The following ROBO2 variants were observed in gnomAD, a reference collection of about 807,000 sequenced individuals.
ROBO2 encodes the protein roundabout homolog 2.
Under a neutral mutation model 160.8 loss-of-function variants are expected in ROBO2, and 53 were observed. That is an observed-to-expected ratio of 0.33 (90% CI 0.26 to 0.41). ROBO2 has a LOEUF of 0.41. Among genes scored for constraint, ROBO2 ranks in the 10% least tolerant of loss-of-function variants. The pLI is 1.00. For missense variants in ROBO2, 1,577 were observed against 1,722.4 expected (o/e 0.92, Z 1.49); for synonymous variants, 664 against 611.7 (o/e 1.09, Z -1.26).
At position 76,101,923 on chromosome 3, in the gene ROBO2, A is replaced by G. The variant is rs561172577; in HGVS notation, c.109+164321A>G. Among the ~76,000 whole-genome samples the G allele has an allele frequency of 7.4e-3, 700 of 94,366 alleles. 8 individuals carry two copies. The highest frequency in any genetic ancestry group is 0.027 in the African/African-American group (615 of 23,142). The allele number at this position is 94,366 out of a possible 152,430, so 61.9% of individuals were successfully genotyped here. A position where few individuals can be genotyped will look rare whatever the true frequency, so the allele number is the denominator to read the frequency against. ...TGTCCAAGTGTTCCCATTGTACCCC[A>G]GGGTGTGATGTTCCCCTTCCTGTGT... On this transcript the variant is annotated intron_variant, in intron 2 of 26. Coordinates refer to the ROBO2 transcript ENST00000487694.
chr3:76,698,815 G>A (rs1366550747), intron 2 of ROBO2, among the ~76,000 whole-genome samples: 2 of 151,916 alleles, frequency 1.3e-5, no homozygotes. Context: ...AATACTATGG[G>A]GTAGGGAGAG....
intron 2 of ROBO2, among the ~76,000 whole-genome samples, chr3:77,265,031 G>A (rs1259115086): frequency 6.6e-6 from 1 of 151,976 alleles, no homozygotes; most frequent in East Asian, 1.9e-4. Context: ...CACTAAATTT[G>A]GTCACATGAT....
chr3:75,950,347 T>C (rs1249870013), intron 2 of ROBO2, among the ~76,000 whole-genome samples: 1 of 152,132 alleles, frequency 6.6e-6, no homozygotes, highest in Non-Finnish European at 1.5e-5. Context: ...CATGAGATCA[T>C]ATGTTCACCT....
chr3:76,075,548 A>G (rs2068621266), intron 2 of ROBO2, among the ~76,000 whole-genome samples: 1 of 151,946 alleles, frequency 6.6e-6, no homozygotes, highest in Non-Finnish European at 1.5e-5. Flanking sequence ...TTGCAAAACT[A>G]ATTTAAAATT....
chr3:76,305,904 G>A (rs1282631878), intron 2 of ROBO2, among the ~76,000 whole-genome samples: 1 of 151,930 alleles, frequency 6.6e-6, no homozygotes, highest in Admixed American at 6.6e-5. Flanking sequence ...ATTGCTCAGA[G>A]TTTCTCAGCT....
rs568228059 is a variant in ROBO2, at chr3:75,993,944, A to G, written c.109+56342A>G. ...CGTGTATGCTGTTTTGTTTATCAAT[A>G]CTATTTACTTTATTTACAGGTTGCT... On this transcript the variant is annotated intron_variant, in intron 2 of 26. Transcript: ENST00000487694. 7.9e-5 allele frequency among the ~76,000 whole-genome samples: 12 copies of G among 152,232 alleles called. No individual in the cohort carries two copies. The South Asian group carries it at 2.1e-3, about 26-fold the overall frequency.
intron 2 of ROBO2, among the ~76,000 whole-genome samples, chr3:76,913,975 T>C (rs2076156823): frequency 1.3e-5 from 2 of 152,158 alleles, no homozygotes; most frequent in Admixed American, 1.3e-4. Context: ...AATACTCCTT[T>C]AGATAAGTAA....
chr3:76,090,787 C>T (rs542297418), intron 2 of ROBO2, among the ~76,000 whole-genome samples: 4 of 152,154 alleles, frequency 2.6e-5, no homozygotes, highest in African/African-American at 9.6e-5. Flanking sequence ...AGCCCAGAAA[C>T]AGACCCACAT....
At position 76,935,181 on chromosome 3, in the gene ROBO2, G is replaced by A. The variant is rs55710918; in HGVS notation, c.110-162833G>A. On this transcript the variant is annotated intron_variant, in intron 2 of 26. Transcript: ENST00000487694. Reference sequence around the variant, plus strand: ...TTGCCCAGGCTGATCTCAAACTCCTGGACACAAACTATCCACCCACCTCTG... The same window carrying A: ...TTGCCCAGGCTGATCTCAAACTCCTAGACACAAACTATCCACCCACCTCTG... Among the ~76,000 whole-genome samples, 1,090 of 151,840 alleles carry A rather than the reference G, an allele frequency of 7.2e-3. 6 individuals carry two copies. The highest frequency in any genetic ancestry group is 0.012 in the Non-Finnish European group (822 of 67,946).
chr3:76,772,237 C>T (rs559866774), intron 2 of ROBO2, among the ~76,000 whole-genome samples: 162 of 150,514 alleles, frequency 1.1e-3, no homozygotes, highest in African/African-American at 3.6e-3. Context: ...ATTTAACTTA[C>T]AACATTGTTC....
At chr3:77,558,108 A>T in exon 9 of ROBO2, 4 of 1,613,196 alleles carry the variant, frequency 2.5e-6, no homozygotes, top group Non-Finnish European at 3.4e-6. Context: ...TCCAAGAGCA[A>T]CAATTCAAGA....
At chr3:77,635,410 G>T (rs2095247157) in intron 24 of ROBO2, among the ~76,000 whole-genome samples, 1 of 151,962 alleles carries the variant, frequency 6.6e-6, no homozygotes, top group South Asian at 2.1e-4. Flanking sequence ...TATCTTAGCT[G>T]CTATTTCACT....
chr3:77,004,450 T>A (rs1261409347), intron 2 of ROBO2, among the ~76,000 whole-genome samples: 2 of 152,322 alleles, frequency 1.3e-5, no homozygotes, highest in African/African-American at 4.8e-5. Context: ...ACTGAAGCCA[T>A]GCCTACTCCC....
At chr3:76,091,368 T>A (rs1052981157) in intron 2 of ROBO2, among the ~76,000 whole-genome samples, 30 of 152,204 alleles carry the variant, frequency 2.0e-4, no homozygotes, top group Non-Finnish European at 4.1e-4. Context: ...AATCGCAAAT[T>A]GAAACAATAA....
At chr3:77,320,052 G>T (rs1354768229) in intron 2 of ROBO2, among the ~76,000 whole-genome samples, 3 of 152,126 alleles carry the variant, frequency 2.0e-5, no homozygotes, top group African/African-American at 4.8e-5. Context: ...TCAAATCATG[G>T]TAGTATAATA....
At chr3:75,938,537 G>C (rs1947898441) in intron 2 of ROBO2, among the ~76,000 whole-genome samples, 1 of 152,056 alleles carries the variant, frequency 6.6e-6, no homozygotes, top group East Asian at 1.9e-4. Context: ...AGTTCACAGA[G>C]TTTATTTCAA....
At chr3:76,889,243 T>A (rs2148805577) in intron 2 of ROBO2, among the ~76,000 whole-genome samples, 1 of 152,342 alleles carries the variant, frequency 6.6e-6, no homozygotes, top group South Asian at 2.1e-4. Flanking sequence ...AAAGCTGATT[T>A]TTAAGTCTTG....
intron 2 of ROBO2, among the ~76,000 whole-genome samples, chr3:77,428,340 T>TA (rs1491525181): frequency 7.9e-5 from 2 of 25,462 alleles, no homozygotes; most frequent in Admixed American, 4.6e-4. Context: ...TTAGGTAATA[T>TA]TTTTTTTTTT....
intron 2 of ROBO2, among the ~76,000 whole-genome samples, chr3:77,027,895 G>C (rs1399902902): frequency 6.6e-6 from 1 of 151,984 alleles, no homozygotes; most frequent in Non-Finnish European, 1.5e-5. Context: ...GAAGCGGGTA[G>C]AAAGAAATTA....
Sources: allele counts gnomAD v4.1 joint callset (sites outside exome capture counted in the v4.1 genomes callset), GRCh38; gene constraint gnomAD v4.1.1; transcripts MANE v1.5; gene names NCBI Gene and HGNC (gene_info 2026-07-23, HGNC 2026-07-21).